Variants in IGDCC4 observed in about 807,000 individuals in gnomAD.
IGDCC4 encodes likely ortholog of mouse neighbor of Punc E11.
A neutral mutation model predicts 116.6 loss-of-function variants in IGDCC4; 72 were observed. That is an observed-to-expected ratio of 0.62 (90% CI 0.51 to 0.75). The LOEUF (loss-of-function observed/expected upper bound fraction) is 0.75. IGDCC4 is among the 30% of genes least tolerant of loss of function. The pLI is 0.00. For synonymous variants in IGDCC4, 709 were observed against 719.9 expected (o/e 0.98, Z 0.24); for missense variants, 1,501 against 1,662.4 (o/e 0.90, Z 1.69).
chr15:65,389,434 T>C (rs1317617815), intron 13 of IGDCC4, 23 bp from the exon 14 acceptor site: 1 of 1,614,084 alleles, frequency 6.2e-7, no homozygotes, highest in East Asian at 2.2e-5. Flanking sequence ...GAAACGTGAC[T>C]AGTGCTCTCA....
At chr15:65,388,662 TG>T in intron 15 of IGDCC4, 76 bp from the exon 16 acceptor site, 1 of 1,602,316 alleles carries the variant, frequency 6.2e-7, no homozygotes, top group Non-Finnish European at 8.5e-7. Context: ...GGGAGGGGAC[TG>T]GGAGAGTCTG....
rs756185163 is a variant in IGDCC4 at position 65,396,078 on chromosome 15, C to T, written c.1083G>A (p.Glu361=). 1.6e-4 allele frequency: 217 copies of T among 1,384,604 alleles called. No homozygotes were observed. The highest frequency in any genetic ancestry group is 2.0e-4 in the Non-Finnish European group (211 of 1,077,044). 85.8% of individuals were successfully genotyped at this position (1,384,604 alleles called of 1,614,324 possible). A position where few individuals can be genotyped will look rare whatever the true frequency, so the allele number is the denominator to read the frequency against. ...TARFVCRASG[E]PRPALRWLHN... ...GCAGCCAGCGCAGCGCTGGCCGCGG[C>T]TCCCCCGACGCGCGGCACACGAAGC... Residue 361 remains glutamate (E), a synonymous_variant, in exon 7 of 20, where the codon GAG becomes GAA. Transcript: ENST00000352385.
chr15:65,407,585 C>G (rs2063051510), intron 3 of IGDCC4, among the ~76,000 whole-genome samples: 1 of 152,156 alleles, frequency 6.6e-6, no homozygotes, highest in Admixed American at 6.5e-5. Context: ...TCAGATGATC[C>G]ACCTACCTCA....
intron 1 of IGDCC4, 46 bp from the exon 2 acceptor site, chr15:65,411,416 C>A: frequency 6.9e-7 from 1 of 1,446,564 alleles, no homozygotes; most frequent in East Asian, 2.4e-5. Flanking sequence ...GTCCCCCCAC[C>A]TCCCACAGCC....
Position 65,388,928 on chromosome 15 carries a change from T to C in IGDCC4, c.2587A>G (p.Thr863Ala), listed in dbSNP as rs1267208736. The change falls in exon 15 of 20, where the codon ACG becomes GCG. Residue 863 changes from threonine to alanine, a missense_variant. Transcript: ENST00000352385. ...DLRLSPLTPS[T>A]VRLHWCPPTE... ...GGGGGGCACCAGTGCAGCCGAACCG[T>C]GGACGGTGTCAGGGGGCTCAGTCGC... The C allele has an allele frequency of 6.2e-7, 1 of 1,613,038 alleles. No homozygotes were observed. Among genetic ancestry groups the C allele is most frequent in the Admixed American group, 1.7e-5 (1 of 59,944 alleles).
chr15:65,411,500 C>A, intron 1 of IGDCC4, 130 bp from the exon 2 acceptor site: 1 of 714,930 alleles, frequency 1.4e-6, no homozygotes, highest in Non-Finnish European at 2.2e-6. Flanking sequence ...CCTGGCTCTC[C>A]CCTTACTAAC....
At chr15:65,405,971 C>A (rs1003782688) in intron 3 of IGDCC4, among the ~76,000 whole-genome samples, 2 of 152,160 alleles carry the variant, frequency 1.3e-5, no homozygotes, top group Non-Finnish European at 2.9e-5. Flanking sequence ...CAAGGAGCCC[C>A]CACCCTAAGC....
chr15:65,395,811 C>A lies in IGDCC4; in HGVS notation c.1350G>T (p.Glu450Asp). The A allele has an allele frequency of 6.6e-7, 1 of 1,510,104 alleles. No individual in the cohort carries two copies. 93.5% of individuals were successfully genotyped at this position (1,510,104 alleles called of 1,614,324 possible). ...LSSSAVLVAW[E>D]RPEMHSEQII... ...TCTGCTCGCTGTGCATCTCGGGCCG[C>A]TCCCAGGCCACCAACACAGCGGAGC... is the stretch of plus-strand genomic sequence containing the variant. The change falls in exon 7 of 20, where the codon GAG becomes GAT. Residue 450 changes from glutamate (E) to aspartate (D), a missense_variant. By Grantham distance (45) the Glu-to-Asp change is conservative. Coordinates refer to ENST00000352385, the MANE Select transcript of IGDCC4 (RefSeq NM_020962.3).
chr15:65,396,220 C>CCCCCCCCCCTTCCCCCAACCCT, intron 6 of IGDCC4, 57 bp from the exon 7 acceptor site: 1 of 1,322,708 alleles, frequency 7.6e-7, no homozygotes, highest in South Asian at 1.6e-5. Context: ...GTCTCTGCCC[C>CCCCCCCCCCTTCCCCCAACCCT]CCCCCCAGTA....
chr15:65,400,943 G>A lies in IGDCC4; in HGVS notation c.704C>T (p.Ser235Phe). The A allele has an allele frequency of 6.2e-7, 1 of 1,614,022 alleles. No homozygotes were observed. Among genetic ancestry groups the A allele is most frequent in the African/African-American group, 1.3e-5 (1 of 75,012 alleles). The part of the protein sequence containing the change: ...EALLSVAHRG[S>F]LASTRGQDVV... Reference sequence around the variant, plus strand: ...GTCCTGCCCCCTGGTGGACGCCAGGGACCCTGGCGAGAAGACAGACCAGCA... The same window carrying A: ...GTCCTGCCCCCTGGTGGACGCCAGGAACCCTGGCGAGAAGACAGACCAGCA... The change falls in exon 5 of 20, where the codon TCC becomes TTC. Residue 235 changes from serine to phenylalanine, a missense_variant. Physicochemically the swap from Ser to Phe is radical, Grantham distance 155. Around this residue, in one of 3 missense-constraint regions of IGDCC4, gnomAD observed 898 missense variants for 978.9 expected, o/e 0.92. Coordinates refer to ENST00000352385, the MANE Select transcript of IGDCC4 (RefSeq NM_020962.3).
Position 65,382,406 on chromosome 15 carries a change from T to TAAAAAAAA in IGDCC4, c.*1595_*1602dup, listed in dbSNP as rs754941677. ...CTGTGCTGAGAGACATTCCACCATT[T>TAAAAAAAA]AAAAAAAAAAAAAAAAAAAAGGAAA... On this transcript the variant is annotated 3_prime_UTR_variant, in exon 20 of 20. Transcript: ENST00000352385. 8.0e-6 allele frequency: 1 copy of TAAAAAAAA among 124,874 alleles called. No individual in the cohort carries two copies. The highest frequency in any genetic ancestry group is 3.0e-5 in the African/African-American group (1 of 33,174). 7.7% of individuals were successfully genotyped at this position (124,874 alleles called of 1,614,324 possible). A position where few individuals can be genotyped will look rare whatever the true frequency, so the allele number is the denominator to read the frequency against.
chr15:65,386,707 A>G, intron 16 of IGDCC4, 51 bp from the exon 17 acceptor site: 1 of 1,421,204 alleles, frequency 7.0e-7, no homozygotes, highest in African/African-American at 1.4e-5. Flanking sequence ...GGAAGGGCAC[A>G]GGGCATAGAT....
rs374592712 is a variant in IGDCC4 at position 65,393,476 on chromosome 15, C to T, written c.1770G>A (p.Ser590=). The stretch of plus-strand genomic sequence containing the variant: ...CTCGATACACCTTGTTTGGCTGAAG[C>T]GAGTTCAGCATAAGCTGTGTCTCAT... ...RGNETQLMLN[S]LQPNKVYRVR... is the part of the protein sequence containing the mutation. Residue 590 remains serine, a synonymous_variant, in exon 10 of 20, where the codon TCG becomes TCA. Coordinates refer to ENST00000352385, the MANE Select transcript of IGDCC4 (RefSeq NM_020962.3). This position sits in a 1 kb window ranked among gnomAD's most constrained non-coding sequence, Gnocchi z 4.6. The T allele has an allele frequency of 5.0e-6, 8 of 1,612,476 alleles. No homozygotes were observed. The highest frequency in any genetic ancestry group is 1.6e-4 in the Middle Eastern group (1 of 6,078).
rs2063076312 is a variant in IGDCC4 at position 65,410,171 on chromosome 15, C to A, written c.563+7G>T. 1.2e-6 allele frequency: 2 copies of A among 1,612,186 alleles called. No homozygotes were observed. The highest frequency in any genetic ancestry group is 8.5e-7 in the Non-Finnish European group (1 of 1,179,986). ...TACCAGGACCCGCTCCCCTACAGGG[C>A]ACTCACCGAGGCTCCTCAGGCAATG... is the stretch of plus-strand genomic sequence containing the variant. On this transcript the variant is annotated splice_region_variant and intron_variant, in intron 3 of 19. Coordinates refer to ENST00000352385, the MANE Select transcript of IGDCC4 (RefSeq NM_020962.3).
intron 3 of IGDCC4, among the ~76,000 whole-genome samples, chr15:65,408,947 C>A (rs1360924086): frequency 6.6e-6 from 1 of 151,522 alleles, no homozygotes; most frequent in African/African-American, 2.4e-5. Context: ...AGTGATCTCG[C>A]TCAGCCTTCC....
In IGDCC4 at chr15:65,395,866, G is replaced by T; in HGVS notation, c.1295C>A (p.Pro432His). ...VVVREGLPSA[P>H]TRVTATPLSS... ...CAGTGGCGTAGCAGTGACCCGCGTG[G>T]GGGCGCTGGGCAGCCCCTCGCGCAC... Residue 432 changes from proline (P) to histidine (H), a missense_variant, in exon 7 of 20, where the codon CCC (proline) becomes CAC (histidine). Pro to His is a moderately conservative substitution (Grantham distance 77, BLOSUM62 -2). Around this residue, in one of 3 missense-constraint regions of IGDCC4, gnomAD observed 898 missense variants for 978.9 expected, o/e 0.92. Transcript: ENST00000352385. 6.3e-7 allele frequency: 1 copy of T among 1,581,874 alleles called. No individual in the cohort carries two copies. Among genetic ancestry groups the T allele is most frequent in the East Asian group, 2.3e-5 (1 of 43,676 alleles).
At chr15:65,418,757 C>G (rs942046031) in intron 1 of IGDCC4, among the ~76,000 whole-genome samples, 1 of 152,178 alleles carries the variant, frequency 6.6e-6, no homozygotes, top group African/African-American at 2.4e-5. Flanking sequence ...GTAATGACAT[C>G]TGCTCTGCAT....
intron 18 of IGDCC4, 44 bp downstream of exon 18, chr15:65,385,787 G>T: frequency 6.8e-7 from 1 of 1,473,356 alleles, no homozygotes; most frequent in African/African-American, 1.4e-5. Context: ...TCGCCCCCTG[G>T]TGTCCTATTT....
chr15:65,391,836 C>T, intron 12 of IGDCC4, 44 bp downstream of exon 12: 3 of 1,540,242 alleles, frequency 1.9e-6, no homozygotes, highest in Non-Finnish European at 2.7e-6. Flanking sequence ...GCTAGCAGAG[C>T]CCTCACCTGA....
Sources: allele counts gnomAD v4.1 joint callset (sites outside exome capture counted in the v4.1 genomes callset), GRCh38; gene constraint gnomAD v4.1.1; regional missense constraint gnomAD v4.1.1; non-coding constraint Gnocchi (gnomAD v3.1); transcripts MANE v1.5; gene names NCBI Gene and HGNC (gene_info 2026-07-23, HGNC 2026-07-21).